MTHFD2L: variants seen among roughly 807,000 people sequenced by gnomAD.
The protein encoded by MTHFD2L is methylenetetrahydrofolate dehydrogenase (NADP+ dependent) 2 like, also known as bifunctional methylenetetrahydrofolate dehydrogenase/cyclohydrolase 2, mitochondrial.
MTHFD2L carries 29 observed loss-of-function variants against 34.9 expected under a neutral mutation model. That is an observed-to-expected ratio of 0.83 (90% CI 0.62 to 1.13). The LOEUF (loss-of-function observed/expected upper bound fraction) is 1.13. Ranked by LOEUF, MTHFD2L falls within the 50% of genes most tolerant of loss-of-function variation. The pLI, the probability that MTHFD2L is intolerant of heterozygous loss-of-function variation, is 0.00. For synonymous variants in MTHFD2L, 167 were observed against 155.7 expected, an observed-to-expected ratio of 1.07 and a Z score of -0.54; for missense variants, 481 against 446.5, an observed-to-expected ratio of 1.08 and a Z score of -0.70.
At chr4:74,246,643 A>G (rs1742502055) in intron 6 of MTHFD2L, among the ~76,000 whole-genome samples, 2 of 152,146 alleles carry the variant, frequency 1.3e-5, no homozygotes, top group African/African-American at 2.4e-5. Context: ...TCCATCTCGA[A>G]TTAATATTTG....
At chr4:74,127,237 C>T (rs1017637551) in intron 1 of MTHFD2L, among the ~76,000 whole-genome samples, 1 of 152,096 alleles carries the variant, frequency 6.6e-6, no homozygotes, top group African/African-American at 2.4e-5. Context: ...TGTACATCAC[C>T]TTAAATACTT....
At chr4:74,116,679 A>T (rs1721660083) in intron 2 of MTHFD2L, among the ~76,000 whole-genome samples, 1 of 152,202 alleles carries the variant, frequency 6.6e-6, no homozygotes, top group Non-Finnish European at 1.5e-5. Flanking sequence ...CCTTATTTTT[A>T]GGTTAGCAAC....
chr4:74,149,459 A>C (rs1160311481), intron 1 of MTHFD2L, among the ~76,000 whole-genome samples: 1 of 147,038 alleles, frequency 6.8e-6, no homozygotes, highest in Non-Finnish European at 1.6e-5. Flanking sequence ...TTTTGGAAAC[A>C]CGGAGTAAAA....
intron 3 of MTHFD2L, chr4:74,194,269 T>G (rs1733091074): frequency 6.6e-6 from 1 of 152,188 alleles, no homozygotes; most frequent in Non-Finnish European, 1.5e-5. Flanking sequence ...TCAACTACGG[T>G]GTTAGCCCCA....
chr4:74,163,506 G>A (rs906862923), intron 1 of MTHFD2L, among the ~76,000 whole-genome samples: 4 of 152,184 alleles, frequency 2.6e-5, no homozygotes, highest in Non-Finnish European at 5.9e-5. Context: ...ATACGAAGAA[G>A]AGTCATATAT....
At chr4:74,155,906 AT>A (rs1458532667), upstream of MTHFD2L, among the ~76,000 whole-genome samples, 21 of 11,332 alleles carry the variant, frequency 1.9e-3, no homozygotes, top group Admixed American at 3.8e-3. Flanking sequence ...ATTCCATGTG[AT>A]TTAAAAAAAA....
chr4:74,255,174 G>A (rs1317119678), intron 6 of MTHFD2L, among the ~76,000 whole-genome samples: 2 of 145,550 alleles, frequency 1.4e-5, no homozygotes, highest in African/African-American at 5.1e-5. Flanking sequence ...ATTAGTTAAT[G>A]GGTATACAGT....
chr4:74,139,469 G>A (rs1343153850), intron 1 of MTHFD2L, among the ~76,000 whole-genome samples: 1 of 152,164 alleles, frequency 6.6e-6, no homozygotes, highest in African/African-American at 2.4e-5. Context: ...CACTTGTGAT[G>A]CTTCCTGTAG....
intron 1 of MTHFD2L, among the ~76,000 whole-genome samples, chr4:74,170,059 G>GA (rs1262962959): frequency 6.6e-6 from 1 of 152,026 alleles, no homozygotes; most frequent in African/African-American, 2.4e-5. Context: ...ATTTAAGCGA[G>GA]AAAAAAATGC....
intron 6 of MTHFD2L, among the ~76,000 whole-genome samples, chr4:74,257,592 C>T (rs1161128076): frequency 6.6e-6 from 1 of 152,096 alleles, no homozygotes; most frequent in Non-Finnish European, 1.5e-5. Flanking sequence ...GTGTATCAAA[C>T]TTTAGCAAAC....
chr4:74,246,380 C>G (rs1280064120), intron 6 of MTHFD2L, among the ~76,000 whole-genome samples: 1 of 151,336 alleles, frequency 6.6e-6, no homozygotes, highest in Non-Finnish European at 1.5e-5. Context: ...GGATATTGGC[C>G]CTTTGTCAGA....
upstream of MTHFD2L, among the ~76,000 whole-genome samples, chr4:74,153,161 T>C (rs1461599976): frequency 2.0e-5 from 3 of 152,254 alleles, no homozygotes; most frequent in African/African-American, 7.2e-5. Context: ...TCTGTCATTA[T>C]GCAGTACCAA....
intron 6 of MTHFD2L, among the ~76,000 whole-genome samples, chr4:74,278,773 G>A (rs1264229347): frequency 6.6e-6 from 1 of 152,062 alleles, no homozygotes; most frequent in African/African-American, 2.4e-5. Context: ...CAGTCCCACC[G>A]CTGGCCTAGA....
intron 3 of MTHFD2L, among the ~76,000 whole-genome samples, chr4:74,187,436 G>A (rs1731502750): frequency 6.6e-6 from 1 of 152,050 alleles, no homozygotes; most frequent in African/African-American, 2.4e-5. Flanking sequence ...AGAATAGCAA[G>A]AGCAAAAATG....
chr4:74,191,413 A>G (rs1416607632), intron 3 of MTHFD2L, among the ~76,000 whole-genome samples: 3 of 152,096 alleles, frequency 2.0e-5, no homozygotes, highest in Admixed American at 1.3e-4. Flanking sequence ...AAAACAAGAA[A>G]CATGAATCTT....
At chr4:74,208,971 T>G (rs1426718170) in intron 5 of MTHFD2L, among the ~76,000 whole-genome samples, 1 of 152,062 alleles carries the variant, frequency 6.6e-6, no homozygotes, top group Admixed American at 6.6e-5. Context: ...CAGAAGCCTA[T>G]CTAAGGGTCC....
intron 6 of MTHFD2L, among the ~76,000 whole-genome samples, chr4:74,251,151 G>T (rs1743250321): frequency 1.3e-5 from 2 of 152,156 alleles, no homozygotes; most frequent in African/African-American, 4.8e-5. Context: ...TAAATAGTAT[G>T]CTGGGTTAAG....
chr4:74,118,146 T>C (rs530349794), intron 2 of MTHFD2L, among the ~76,000 whole-genome samples: 51 of 152,296 alleles, frequency 3.3e-4, no homozygotes, highest in African/African-American at 1.2e-3. Context: ...CATTATTAAG[T>C]TAATGAACAA....
At chr4:74,186,411 TC>T (rs1252541864) in intron 3 of MTHFD2L, among the ~76,000 whole-genome samples, 60 of 106,072 alleles carry the variant, frequency 5.7e-4, no homozygotes, top group Admixed American at 2.0e-3. Context: ...GACATGATTG[TC>T]CCATGGAAAA....
Sources: gnomAD v4.1 joint callset for allele counts (sites outside exome capture counted in the v4.1 genomes callset) on GRCh38, gnomAD v4.1.1 for gene constraint, MANE v1.5 for transcripts, NCBI Gene and HGNC (gene_info 2026-07-23, HGNC 2026-07-21) for gene names.